NOSTRIN: variants seen among roughly 807,000 people sequenced by gnomAD.
NOSTRIN encodes the protein nitric oxide synthase trafficking.
A neutral mutation model predicts 59.0 loss-of-function variants in NOSTRIN; 63 were observed. The ratio of observed to expected loss-of-function variants is 1.07; its 90% CI spans 0.87 to 1.32. The LOEUF is 1.32. NOSTRIN is among the 40% of genes most tolerant of loss of function. NOSTRIN has a pLI of 0.00. For synonymous variants in NOSTRIN, 200 were observed against 165.4 expected, an observed-to-expected ratio of 1.21 and a Z score of -1.61; for missense variants, 512 against 473.1, an observed-to-expected ratio of 1.08 and a Z score of -0.76.
At chr2:168,791,991 G>C in intron 2 of NOSTRIN, among the ~76,000 whole-genome samples, 1 of 152,044 alleles carries the variant, frequency 6.6e-6, no homozygotes, top group Non-Finnish European at 1.5e-5. Flanking sequence ...AGTTTAATTA[G>C]ATCCCATTTG....
chr2:168,829,283 C>T (rs1687230771), intron 5 of NOSTRIN, among the ~76,000 whole-genome samples: 1 of 151,000 alleles, frequency 6.6e-6, no homozygotes, highest in South Asian at 2.1e-4. Context: ...CCCTCCCTTC[C>T]TTTCTTCCTT....
intron 2 of NOSTRIN, among the ~76,000 whole-genome samples, chr2:168,822,892 G>T (rs930467805): frequency 4.6e-5 from 7 of 152,162 alleles, no homozygotes; most frequent in African/African-American, 1.7e-4. Context: ...AGTTCTGCTT[G>T]GTTAATCCAA....
chr2:168,824,035 A>G (rs1686913867), intron 2 of NOSTRIN, among the ~76,000 whole-genome samples: 1 of 152,210 alleles, frequency 6.6e-6, no homozygotes, highest in Admixed American at 6.5e-5. Flanking sequence ...AGATTGTGCC[A>G]TTGCACTCCA....
intron 3 of NOSTRIN, among the ~76,000 whole-genome samples, chr2:168,825,132 A>C (rs560775721): frequency 6.6e-6 from 1 of 152,326 alleles, no homozygotes; most frequent in South Asian, 2.1e-4. Flanking sequence ...CAAGTACATA[A>C]CATCAAGCAT....
intron 2 of NOSTRIN, among the ~76,000 whole-genome samples, chr2:168,790,820 T>G (rs1685327481): frequency 6.6e-6 from 1 of 152,178 alleles, no homozygotes. Context: ...GTATTTTGGT[T>G]TTGTTGGAGA....
chr2:168,821,572 G>A (rs1686741559), intron 2 of NOSTRIN, among the ~76,000 whole-genome samples: 1 of 152,218 alleles, frequency 6.6e-6, no homozygotes, highest in African/African-American at 2.4e-5. Context: ...GTTCACCAGA[G>A]TAAACTAAAA....
intron 15 of NOSTRIN, chr2:168,863,514 G>C (rs1689615680): frequency 1.0e-6 from 1 of 985,234 alleles, no homozygotes; most frequent in Non-Finnish European, 1.2e-6. Flanking sequence ...TTTATGACAA[G>C]AGCCATGTTT....
chr2:168,853,786 T>C (rs1276629293), intron 10 of NOSTRIN, among the ~76,000 whole-genome samples: 1 of 152,214 alleles, frequency 6.6e-6, no homozygotes, highest in East Asian at 1.9e-4. Context: ...ACTTGGGCCT[T>C]CTTTTATCTG....
At chr2:168,832,161 A>ATAATAGTGTTGTGCACAAAAT (rs1687403666) in intron 6 of NOSTRIN, among the ~76,000 whole-genome samples, 1 of 152,190 alleles carries the variant, frequency 6.6e-6, no homozygotes, top group South Asian at 2.1e-4. Context: ...ACACTATTCT[A>ATAATAGTGTTGTGCACAAAAT]AGACATAATT....
At position 168,856,916 on chromosome 2, in the gene NOSTRIN, G is replaced by T. The variant is rs377191064; in HGVS notation, c.1053+138G>T. On this transcript the variant is annotated intron_variant, in intron 12 of 15. Coordinates refer to ENST00000317647, the MANE Select transcript of NOSTRIN (RefSeq NM_001039724.4). Reference sequence around the variant, plus strand: ...ACAATCTAGTGGGGGAGCTTATAGGGTCAGCTTCATAAGTCATTTGAGGGA... The same window carrying T: ...ACAATCTAGTGGGGGAGCTTATAGGTTCAGCTTCATAAGTCATTTGAGGGA... 8.0e-5 allele frequency: 57 copies of T among 714,840 alleles called. No individual in the cohort carries two copies. In the East Asian group the frequency reaches 9.7e-4, roughly 12 times the overall value. The allele number at this position is 714,840 out of a possible 1,614,324, so 44.3% of individuals were successfully genotyped here. A position where few individuals can be genotyped will look rare whatever the true frequency, so the allele number is the denominator to read the frequency against.
At chr2:168,820,453 A>G (rs1394943379) in intron 2 of NOSTRIN, among the ~76,000 whole-genome samples, 2 of 152,188 alleles carry the variant, frequency 1.3e-5, no homozygotes, top group Admixed American at 6.5e-5. Context: ...AAGCATCAGC[A>G]TGTCACAAAG....
At chr2:168,827,681 C>T (rs1446481479) in intron 3 of NOSTRIN, among the ~76,000 whole-genome samples, 1 of 152,010 alleles carries the variant, frequency 6.6e-6, no homozygotes, top group Admixed American at 6.6e-5. Flanking sequence ...AATCCTCCTA[C>T]CTTGGCCTCC....
chr2:168,847,067 G>A (rs114376065), intron 8 of NOSTRIN, among the ~76,000 whole-genome samples: 21 of 152,318 alleles, frequency 1.4e-4, no homozygotes, highest in Admixed American at 1.3e-3. Context: ...TTAAAGGGAT[G>A]ACTAAGTGAA....
chr2:168,792,372 T>A (rs1685380793), intron 2 of NOSTRIN, among the ~76,000 whole-genome samples: 1 of 152,100 alleles, frequency 6.6e-6, no homozygotes, highest in Admixed American at 6.5e-5. Flanking sequence ...TTTGGTGTAG[T>A]CATGTGAGTT....
chr2:168,820,918 T>C (rs368133789), intron 2 of NOSTRIN, among the ~76,000 whole-genome samples: 1 of 152,300 alleles, frequency 6.6e-6, no homozygotes, highest in African/African-American at 2.4e-5. Flanking sequence ...GAAAGTAGAA[T>C]TGAATTCTGA....
chr2:168,833,185 G>A (rs1336506165), intron 6 of NOSTRIN, among the ~76,000 whole-genome samples: 2 of 152,130 alleles, frequency 1.3e-5, no homozygotes, highest in African/African-American at 4.8e-5. Flanking sequence ...CAATTCAAGG[G>A]ATTCAGCATG....
chr2:168,824,776 G>GTTTGTTTA, intron 3 of NOSTRIN, 59 bp downstream of exon 3: 1 of 789,286 alleles, frequency 1.3e-6, no homozygotes, highest in Middle Eastern at 2.3e-4. Flanking sequence ...TTTTTTGTTT[G>GTTTGTTTA]TTTGTTTGTT....
chr2:168,821,579 A>G (rs1409419173), intron 2 of NOSTRIN, among the ~76,000 whole-genome samples: 5 of 152,246 alleles, frequency 3.3e-5, no homozygotes, highest in Non-Finnish European at 5.9e-5. Flanking sequence ...AGAGTAAACT[A>G]AAACATTATA....
At chr2:168,790,378 A>G (rs1685317453) in intron 2 of NOSTRIN, among the ~76,000 whole-genome samples, 1 of 152,178 alleles carries the variant, frequency 6.6e-6, no homozygotes, top group African/African-American at 2.4e-5. Context: ...CTAACTTCAA[A>G]GGTTAAAGTA....
Sources: gnomAD v4.1 joint callset for allele counts (sites outside exome capture counted in the v4.1 genomes callset) on GRCh38, gnomAD v4.1.1 for gene constraint, MANE v1.5 for transcripts, NCBI Gene and HGNC (gene_info 2026-07-23, HGNC 2026-07-21) for gene names.